The following PARD3B variants were observed in gnomAD, a reference collection of about 807,000 sequenced individuals.
PARD3B encodes par-3 family cell polarity regulator beta.
In PARD3B, 103 loss-of-function variants were observed where a neutral mutation model predicts 130.2. That is an observed-to-expected ratio of 0.79 (90% confidence interval 0.67 to 0.93). PARD3B has a LOEUF of 0.93. PARD3B is among the 40% of genes least tolerant of loss of function. The probability of loss-of-function intolerance (pLI) is 0.00; values close to 1 mark genes in which losing one functional copy is unlikely to be tolerated. For missense variants in PARD3B, 1,609 were observed against 1,499.2 expected (o/e 1.07, Z -1.21); for synonymous variants, 583 against 553.2 (o/e 1.05, Z -0.76).
At chr2:204,562,062 A>G (rs920986800) in intron 1 of PARD3B, among the ~76,000 whole-genome samples, 3 of 152,104 alleles carry the variant, frequency 2.0e-5, no homozygotes, top group African/African-American at 7.2e-5. Flanking sequence ...ACATACACAC[A>G]CACATACAAC....
rs79644193 is a variant in PARD3B at position 205,261,538 on chromosome 2, C to T, written c.2185+15716C>T. On this transcript the variant is annotated intron_variant, in intron 16 of 22. Transcript: ENST00000406610. ...ACAAGACAATCCAATATAAAATGCCCCTTAGAAATATATGGAAAGCCATGT... is the reference window on the plus strand; with the variant it reads ...ACAAGACAATCCAATATAAAATGCCTCTTAGAAATATATGGAAAGCCATGT... Among the ~76,000 whole-genome samples the T allele has an allele frequency of 1.6e-3, 243 of 152,148 alleles. 2 individuals are homozygous for T. Among genetic ancestry groups the T allele is most frequent in the African/African-American group, 5.8e-3 (239 of 41,516 alleles).
chr2:205,599,773 T>A (rs1239717659), intron 22 of PARD3B, among the ~76,000 whole-genome samples: 1 of 152,154 alleles, frequency 6.6e-6, no homozygotes, highest in Non-Finnish European at 1.5e-5. Flanking sequence ...TAGGGAGGAA[T>A]CGTTGGTTCT....
At chr2:205,501,102 G>A (rs962828805) in intron 21 of PARD3B, among the ~76,000 whole-genome samples, 2 of 152,064 alleles carry the variant, frequency 1.3e-5, no homozygotes, top group African/African-American at 2.4e-5. Context: ...ACATCTGTGT[G>A]GGGGGCCTGT....
At position 205,503,012 on chromosome 2, in the gene PARD3B, C is replaced by T. The variant is rs549962120; in HGVS notation, c.3180+2981C>T. ...CTCTCCCTTATCCCCTCCCCTCTCC[C>T]CTCTCCCCTCTCCCCTCTCTCTTCT... On this transcript the variant is annotated intron_variant, in intron 21 of 22. Transcript: ENST00000406610. Among the ~76,000 whole-genome samples the T allele has an allele frequency of 2.0e-4, 30 of 149,884 alleles. 1 individual carries two copies. The South Asian group carries it at 6.5e-3, about 32-fold the overall frequency.
chr2:205,519,541 T>A (rs913385853), intron 21 of PARD3B, among the ~76,000 whole-genome samples: 1 of 152,236 alleles, frequency 6.6e-6, no homozygotes, highest in Non-Finnish European at 1.5e-5. Flanking sequence ...ATCTCGATGA[T>A]CTTCATTCCT....
chr2:204,888,123 G>A (rs560133036), intron 2 of PARD3B, among the ~76,000 whole-genome samples: 31 of 152,122 alleles, frequency 2.0e-4, no homozygotes, highest in African/African-American at 7.0e-4. Flanking sequence ...CACCAGTTTT[G>A]CAGGGAGGAG....
chr2:205,010,494 A>G (rs1695627636), intron 3 of PARD3B, among the ~76,000 whole-genome samples: 1 of 152,224 alleles, frequency 6.6e-6, no homozygotes, highest in Admixed American at 6.5e-5. Flanking sequence ...CATGAAGCTG[A>G]CTTCTCAGTA....
At position 204,714,021 on chromosome 2, in the gene PARD3B, A is replaced by T. The variant is rs79901385; in HGVS notation, c.222+27739A>T. On this transcript the variant is annotated intron_variant, in intron 2 of 22. Coordinates refer to ENST00000406610, the MANE Select transcript of PARD3B (RefSeq NM_001302769.2). ...TGTATGTTTATTAACACATATATGT[A>T]TGCACATTTATATTTATTTTTAAAC... Among the ~76,000 whole-genome samples the T allele has an allele frequency of 0.012, 1,832 of 152,278 alleles. 72 individuals are homozygous for T. In the East Asian group the frequency reaches 0.14, roughly 12 times the overall value.
chr2:204,686,220 A>G lies in PARD3B; in HGVS notation c.160A>G (p.Thr54Ala). 6.2e-7 allele frequency: 1 copy of G among 1,612,762 alleles called. No homozygotes were observed. The highest frequency in any genetic ancestry group is 8.5e-7 in the Non-Finnish European group (1 of 1,178,926). ...GGTGAAGATTCATCACTTAGAATAT[A>G]CAGATGGAGGAATCCTGGATCCAGA... ...YWVKIHHLEY[T>A]DGGILDPDDV... The change falls in exon 2 of 23, where the codon ACA becomes GCA. Residue 54 changes from threonine to alanine, a missense_variant. Transcript: ENST00000406610.
In PARD3B at chr2:205,585,078, G is replaced by T. The variant is rs1329299405; in HGVS notation, c.3261-30378G>T. On this transcript the variant is annotated intron_variant, in intron 22 of 22. Coordinates refer to ENST00000406610, the MANE Select transcript of PARD3B (RefSeq NM_001302769.2). The surrounding 1 kb of genome is among the most constrained non-coding windows in gnomAD (Gnocchi z 5.4). Reference sequence around the variant, plus strand: ...GAAAATGGCACCAACCAAAATGGAGGCCTGGATAGTGGAGGCGTGAAAATA... The same window carrying T: ...GAAAATGGCACCAACCAAAATGGAGTCCTGGATAGTGGAGGCGTGAAAATA... Among the ~76,000 whole-genome samples the T allele has an allele frequency of 1.3e-5, 2 of 152,190 alleles. No homozygotes were observed. Among genetic ancestry groups the T allele is most frequent in the Non-Finnish European group, 2.9e-5 (2 of 68,016 alleles).
intron 2 of PARD3B, among the ~76,000 whole-genome samples, chr2:204,715,386 A>T (rs2038669319): frequency 6.6e-6 from 1 of 152,100 alleles, no homozygotes; most frequent in African/African-American, 2.4e-5. Flanking sequence ...TTTTTCCTGT[A>T]GATTTCACCA....
intron 3 of PARD3B, among the ~76,000 whole-genome samples, chr2:205,016,663 C>T (rs1235715092): frequency 1.3e-5 from 2 of 152,126 alleles, no homozygotes; most frequent in Admixed American, 1.3e-4. Context: ...ATATAGGTTT[C>T]CAGAGATGAT....
intron 10 of PARD3B, among the ~76,000 whole-genome samples, chr2:205,138,778 A>C (rs1194505797): frequency 6.6e-6 from 1 of 152,246 alleles, no homozygotes; most frequent in Non-Finnish European, 1.5e-5. Flanking sequence ...TCCATACTTC[A>C]GAATGTCTGG....
At chr2:205,221,955 G>C (rs2038263458) in intron 15 of PARD3B, among the ~76,000 whole-genome samples, 1 of 152,066 alleles carries the variant, frequency 6.6e-6, no homozygotes, top group Admixed American at 6.5e-5. Context: ...CCTATTGGAG[G>C]GTGGAGGGTA....
chr2:205,083,314 T>C (rs1227200696), intron 4 of PARD3B, among the ~76,000 whole-genome samples: 1 of 143,514 alleles, frequency 7.0e-6, no homozygotes, highest in African/African-American at 2.6e-5. Flanking sequence ...CTCAGTAGCA[T>C]AAAAGTGGTT....
At chr2:205,168,484 A>G (rs2125738353) in intron 11 of PARD3B, among the ~76,000 whole-genome samples, 1 of 152,334 alleles carries the variant, frequency 6.6e-6, no homozygotes, top group Admixed American at 6.5e-5. Flanking sequence ...TTTAAAAACC[A>G]TAAAAAGCTG....
intron 1 of PARD3B, among the ~76,000 whole-genome samples, chr2:204,563,477 A>G (rs960510697): frequency 6.6e-6 from 1 of 151,808 alleles, no homozygotes; most frequent in African/African-American, 2.4e-5. Context: ...TTTTTAATGC[A>G]TTTTTTCTTG....
chr2:205,105,849 T>C lies in PARD3B; in HGVS notation c.593+1335T>C, dbSNP rs777611348. ...CTTCAAGCACCATCTTTTCAGAAAC[T>C]TAATAAGATTATCTAATTATGTCTA... On this transcript the variant is annotated intron_variant, in intron 5 of 22. Transcript: ENST00000406610. The surrounding 1 kb of genome is among the most constrained non-coding windows in gnomAD (Gnocchi z 4.0). Among the ~76,000 whole-genome samples the C allele has an allele frequency of 1.3e-5, 2 of 151,692 alleles. No homozygotes were observed. The highest frequency in any genetic ancestry group is 2.9e-5 in the Non-Finnish European group (2 of 67,916).
chr2:204,882,413 G>A (rs2046089968), intron 2 of PARD3B, among the ~76,000 whole-genome samples: 1 of 152,006 alleles, frequency 6.6e-6, no homozygotes, highest in South Asian at 2.1e-4. Context: ...GCCTAATATT[G>A]GGTAATCTAC....
Sources: allele counts gnomAD v4.1 joint callset (sites outside exome capture counted in the v4.1 genomes callset), GRCh38; gene constraint gnomAD v4.1.1; non-coding constraint Gnocchi (gnomAD v3.1); transcripts MANE v1.5; gene names NCBI Gene and HGNC (gene_info 2026-07-23, HGNC 2026-07-21).